The following GRID2 variants were observed in gnomAD, a reference collection of about 807,000 sequenced individuals.
GRID2 encodes the protein glutamate ionotropic receptor delta type subunit 2, also known as glutamate receptor ionotropic, delta-2.
In GRID2, 33 loss-of-function variants were observed where a neutral mutation model predicts 114.8. That is an observed-to-expected ratio of 0.29 (90% CI 0.22 to 0.38). The LOEUF is 0.38. Among genes scored for constraint, GRID2 ranks in the 10% least tolerant of loss-of-function variants. GRID2 has a pLI of 1.00. For synonymous variants in GRID2, 505 were observed against 449.9 expected, an observed-to-expected ratio of 1.12 and a Z score of -1.55; for missense variants, 1,184 against 1,257.7, an observed-to-expected ratio of 0.94 and a Z score of 0.89.
chr4:92,337,146 C>T (rs937901461), intron 1 of GRID2, among the ~76,000 whole-genome samples: 10 of 151,890 alleles, frequency 6.6e-5, no homozygotes, highest in Non-Finnish European at 1.2e-4. Flanking sequence ...AGACTTTGCT[C>T]GTAAGACTGC....
chr4:92,795,394 G>A (rs969918966), intron 2 of GRID2, among the ~76,000 whole-genome samples: 9 of 151,836 alleles, frequency 5.9e-5, no homozygotes, highest in African/African-American at 2.2e-4. Flanking sequence ...TGTAAGAAGT[G>A]CCTTTCACCT....
intron 9 of GRID2, among the ~76,000 whole-genome samples, chr4:93,406,853 G>A (rs545428736): frequency 6.6e-6 from 1 of 152,064 alleles, no homozygotes; most frequent in Non-Finnish European, 1.5e-5. Context: ...AGCTCCAAGA[G>A]CATGTTGATG....
chr4:92,434,888 T>C (rs890872579), intron 1 of GRID2, among the ~76,000 whole-genome samples: 7 of 152,124 alleles, frequency 4.6e-5, no homozygotes, highest in Non-Finnish European at 1.0e-4. Context: ...TATAATGCTG[T>C]AGAAAATTCG....
intron 12 of GRID2, among the ~76,000 whole-genome samples, chr4:93,494,922 T>C (rs967177894): frequency 3.3e-5 from 5 of 151,826 alleles, no homozygotes; most frequent in African/African-American, 1.2e-4. Flanking sequence ...TCAACATTAG[T>C]TCTGTTTGCC....
chr4:93,132,072 A>G (rs1734856373), intron 4 of GRID2, among the ~76,000 whole-genome samples: 1 of 152,218 alleles, frequency 6.6e-6, no homozygotes, highest in Admixed American at 6.5e-5. Flanking sequence ...AATTATAAGT[A>G]TAATTTAAAT....
intron 8 of GRID2, among the ~76,000 whole-genome samples, chr4:93,363,299 C>T (rs533407350): frequency 6.6e-6 from 1 of 152,280 alleles, no homozygotes; most frequent in South Asian, 2.1e-4. Flanking sequence ...CATCAGTACA[C>T]ATGTGCCTCT....
chr4:92,752,532 G>A (rs925968110), intron 2 of GRID2, among the ~76,000 whole-genome samples: 2 of 152,110 alleles, frequency 1.3e-5, no homozygotes, highest in African/African-American at 4.8e-5. Flanking sequence ...AAATGTTCAT[G>A]GGCGTAGAGA....
At chr4:92,918,628 G>T (rs1170584189) in intron 2 of GRID2, among the ~76,000 whole-genome samples, 3 of 152,100 alleles carry the variant, frequency 2.0e-5, no homozygotes, top group Admixed American at 6.6e-5. Flanking sequence ...TTTGTCGTTG[G>T]TTCTGCTTAT....
rs556248782 is a variant in GRID2 at position 92,582,046 on chromosome 4, C to G, written c.89-8085C>G. ...GAATGGAAGTTAATATTATAAGGCA[C>G]TTTGAACTCTCAGAACAAAGTGCTA... On this transcript the variant is annotated intron_variant, in intron 1 of 15. Coordinates refer to ENST00000282020, the MANE Select transcript of GRID2 (RefSeq NM_001510.4). Among the ~76,000 whole-genome samples, 18 of 152,046 alleles carry G rather than the reference C, an allele frequency of 1.2e-4. No homozygotes were observed. The South Asian group carries it at 3.7e-3, about 32-fold the overall frequency.
At chr4:92,419,462 G>A (rs145715817) in intron 1 of GRID2, among the ~76,000 whole-genome samples, 7 of 152,066 alleles carry the variant, frequency 4.6e-5, no homozygotes, top group East Asian at 1.9e-4. Context: ...TTAAGATGAC[G>A]GATAAAATAC....
chr4:93,665,438 A>G (rs1223582422), intron 14 of GRID2, among the ~76,000 whole-genome samples: 1 of 152,120 alleles, frequency 6.6e-6, no homozygotes, highest in African/African-American at 2.4e-5. Flanking sequence ...TTTTTACTTC[A>G]TTCATCCTGC....
intron 2 of GRID2, among the ~76,000 whole-genome samples, chr4:92,959,106 A>T (rs369748436): frequency 0.044 from 1,416 of 32,148 alleles, no homozygotes; most frequent in Middle Eastern, 0.11. Context: ...TACAGATTTT[A>T]TTGATTTTTT....
At chr4:93,435,600 T>G (rs1721006634) in intron 10 of GRID2, among the ~76,000 whole-genome samples, 8 of 152,188 alleles carry the variant, frequency 5.3e-5, no homozygotes, top group Admixed American at 5.2e-4. Flanking sequence ...GATGCTATTC[T>G]AAAGCTTTAC....
chr4:92,355,146 C>CTCTAGAA (rs1728258081), intron 1 of GRID2, among the ~76,000 whole-genome samples: 1 of 151,848 alleles, frequency 6.6e-6, no homozygotes, highest in Non-Finnish European at 1.5e-5. Context: ...TGCTTATCAT[C>CTCTAGAA]TGTATTTTCT....
chr4:93,724,896 C>T (rs1462861813), intron 14 of GRID2, among the ~76,000 whole-genome samples: 1 of 152,176 alleles, frequency 6.6e-6, no homozygotes, highest in Non-Finnish European at 1.5e-5. Flanking sequence ...TCTCCTGCCT[C>T]AGCCTCCCGA....
chr4:92,648,245 G>T (rs1181309321), intron 2 of GRID2, among the ~76,000 whole-genome samples: 2 of 149,532 alleles, frequency 1.3e-5, no homozygotes, highest in East Asian at 3.9e-4. Flanking sequence ...ATTTTATTTT[G>T]AATACATTTA....
intron 1 of GRID2, among the ~76,000 whole-genome samples, chr4:92,579,438 A>G: frequency 6.6e-6 from 1 of 151,972 alleles, no homozygotes; most frequent in Admixed American, 6.6e-5. Flanking sequence ...TTAAGAACAC[A>G]GTTTGAAGGC....
At chr4:92,910,776 T>A (rs1039936280) in intron 2 of GRID2, among the ~76,000 whole-genome samples, 58 of 152,278 alleles carry the variant, frequency 3.8e-4, no homozygotes, top group African/African-American at 1.3e-3. Context: ...TCCTGTATAC[T>A]TTAAATCATC....
At position 93,025,168 on chromosome 4, in the gene GRID2, G is replaced by A. The variant is rs536558840; in HGVS notation, c.245-59827G>A. Among the ~76,000 whole-genome samples, 4 of 151,136 alleles carry A rather than the reference G, an allele frequency of 2.6e-5. 1 individual carries two copies. In the South Asian group the frequency reaches 6.3e-4, roughly 24 times the overall value. On this transcript the variant is annotated intron_variant, in intron 2 of 15. Transcript: ENST00000282020. ...AGAGAGGGAGAGAAAGAGGAAGGGG[G>A]CTAGAAGGAGAAAATTTGAATCCAC...
Sources: allele counts gnomAD v4.1 joint callset (sites outside exome capture counted in the v4.1 genomes callset), GRCh38; gene constraint gnomAD v4.1.1; transcripts MANE v1.5; gene names NCBI Gene and HGNC (gene_info 2026-07-23, HGNC 2026-07-21).